PIN4: variants seen among roughly 807,000 people sequenced by gnomAD.
The protein encoded by PIN4 is peptidyl-prolyl cis-trans isomerase NIMA-interacting 4.
Under a neutral mutation model 8.3 loss-of-function variants are expected in PIN4, and 3 were observed. The ratio of observed to expected loss-of-function variants is 0.36; its 90% CI spans 0.16 to 0.93. The LOEUF is 0.93. Among genes scored for constraint, PIN4 ranks in the 40% least tolerant of loss-of-function variants. PIN4 has a pLI of 0.44. For missense variants in PIN4, 75 were observed against 100.6 expected, an observed-to-expected ratio of 0.75 and a Z score of 1.09; for synonymous variants, 18 against 32.5, an observed-to-expected ratio of 0.55 and a Z score of 1.52.
At chrX:72,240,754 C>A (rs893504052) in intron 3 of PIN4, among the ~76,000 whole-genome samples, 1 of 104,563 alleles carries the variant, frequency 9.6e-6, no homozygotes, top group African/African-American at 3.7e-5. Context: ...GAGCTGAGAT[C>A]GTGCCATTGC....
At chrX:72,215,268 G>A (rs1416568036) in intron 3 of PIN4, among the ~76,000 whole-genome samples, 1 of 111,764 alleles carries the variant, frequency 8.9e-6, no homozygotes, top group Non-Finnish European at 1.9e-5. Flanking sequence ...ACTTTCTGGG[G>A]TGATAATAGT....
intron 1 of PIN4, among the ~76,000 whole-genome samples, chrX:72,183,745 C>T: frequency 8.9e-6 from 1 of 111,930 alleles, no homozygotes; most frequent in Admixed American, 9.5e-5. Context: ...ATTTTCTTTG[C>T]TTCTTTGGAA....
intron 3 of PIN4, chrX:72,255,559 C>G (rs902214318): frequency 9.0e-6 from 1 of 110,881 alleles, no homozygotes; most frequent in African/African-American, 3.3e-5. Context: ...CACCTGATCT[C>G]CTGCCATCAG....
At chrX:72,205,743 A>G (rs778513523) in intron 3 of PIN4, 8 of 1,211,506 alleles carry the variant, frequency 6.6e-6, no homozygotes, top group Non-Finnish European at 7.8e-6. Flanking sequence ...CTTCTGGTTC[A>G]TCGTCTTTCT....
intron 3 of PIN4, among the ~76,000 whole-genome samples, chrX:72,212,274 A>AT (rs2042859974): frequency 9.2e-6 from 1 of 108,650 alleles, no homozygotes; most frequent in African/African-American, 3.4e-5. Flanking sequence ...CATCTCAAAA[A>AT]AAATAATAAT....
In PIN4 at chrX:72,246,693, G is replaced by A. The variant is rs192459194; in HGVS notation, c.313-16014G>A. Among the ~76,000 whole-genome samples, 3 of 111,587 alleles carry A rather than the reference G, an allele frequency of 2.7e-5. No individual in the cohort carries two copies. The East Asian group carries it at 8.5e-4, about 31-fold the overall frequency. On this transcript the variant is annotated intron_variant, in intron 3 of 3. Transcript: ENST00000423432. Reference sequence around the variant, plus strand: ...ATCTTGCCTCCAGGCCTCCCCACATGCAGTTTCCTCTGCCTGGACTCACCC... The same window carrying A: ...ATCTTGCCTCCAGGCCTCCCCACATACAGTTTCCTCTGCCTGGACTCACCC...
At chrX:72,250,661 C>A (rs1044675044) in intron 3 of PIN4, among the ~76,000 whole-genome samples, 3 of 105,529 alleles carry the variant, frequency 2.8e-5, no homozygotes, top group African/African-American at 7.0e-5. Context: ...CCACACTGGG[C>A]AACATAATGA....
At chrX:72,201,794 C>T (rs372165082), downstream of PIN4, among the ~76,000 whole-genome samples, 6 of 112,832 alleles carry the variant, frequency 5.3e-5, no homozygotes, top group East Asian at 1.1e-3. Flanking sequence ...GCAGTTTATG[C>T]GTACATTTGT....
rs1383127586 is a variant in PIN4, at chrX:72,205,768, C to T, written c.312+8864C>T. 8.3e-6 allele frequency: 10 copies of T among 1,210,324 alleles called. No individual in the cohort carries two copies. In the Admixed American group the frequency reaches 2.2e-4, roughly 26 times the overall value. ...ATCGTCTTTCTCAGAAAACTCCCAACTGAGACATGTTTTGCTATGCACAAA... is the reference window on the plus strand; with the variant it reads ...ATCGTCTTTCTCAGAAAACTCCCAATTGAGACATGTTTTGCTATGCACAAA... On this transcript the variant is annotated intron_variant, in intron 3 of 3. Transcript: ENST00000423432.
chrX:72,245,830 T>A (rs1030181974), intron 3 of PIN4, among the ~76,000 whole-genome samples: 1 of 112,134 alleles, frequency 8.9e-6, no homozygotes, highest in African/African-American at 3.2e-5. Context: ...TAGGATTACC[T>A]GCAGGGTCTT....
At chrX:72,257,148 G>A (rs1452932085) in intron 3 of PIN4, among the ~76,000 whole-genome samples, 7 of 110,747 alleles carry the variant, frequency 6.3e-5, no homozygotes, top group Non-Finnish European at 1.3e-4. Context: ...GTGAAACCCC[G>A]TCTCTACTAA....
intron 3 of PIN4, among the ~76,000 whole-genome samples, chrX:72,224,817 C>A (rs886880342): frequency 9.0e-6 from 1 of 111,155 alleles, no homozygotes; most frequent in African/African-American, 3.3e-5. Context: ...AACACTGACT[C>A]CCCCATAATA....
chrX:72,212,456 T>C (rs747750339), intron 3 of PIN4, among the ~76,000 whole-genome samples: 55 of 111,015 alleles, frequency 5.0e-4, no homozygotes, highest in African/African-American at 1.8e-3. Flanking sequence ...TGCTGAAAAG[T>C]TTTTCTATCT....
At chrX:72,251,045 C>G (rs1236500813) in intron 3 of PIN4, among the ~76,000 whole-genome samples, 1 of 105,532 alleles carries the variant, frequency 9.5e-6, no homozygotes, top group African/African-American at 3.4e-5. Context: ...CGGCCTGGTA[C>G]ATGCATTTTT....
At chrX:72,229,729 A>G (rs1446071535) in intron 3 of PIN4, among the ~76,000 whole-genome samples, 1 of 111,510 alleles carries the variant, frequency 9.0e-6, no homozygotes, top group Non-Finnish European at 1.9e-5. Context: ...CCCATCCAAT[A>G]TGTTAGAAAA....
chrX:72,210,258 A>G lies in PIN4; in HGVS notation c.312+13354A>G, dbSNP rs763427661. Among the ~76,000 whole-genome samples the G allele has an allele frequency of 1.8e-4, 20 of 110,102 alleles. 1 individual carries two copies. Among genetic ancestry groups the G allele is most frequent in the Non-Finnish European group, 3.8e-4 (20 of 52,823 alleles). ...ATAAATAAATAAATGGAAAAAAGATATACAGATGGGCACATGAAAAGACTC... is the reference window on the plus strand; with the variant it reads ...ATAAATAAATAAATGGAAAAAAGATGTACAGATGGGCACATGAAAAGACTC... On this transcript the variant is annotated intron_variant, in intron 3 of 3. Transcript: ENST00000423432.
chrX:72,255,178 G>A (rs2043104981), intron 3 of PIN4, among the ~76,000 whole-genome samples: 1 of 108,731 alleles, frequency 9.2e-6, no homozygotes, highest in African/African-American at 3.4e-5. Flanking sequence ...TAGTCCATTG[G>A]CGGATCGCTT....
chrX:72,196,991 C>T lies in PIN4; in HGVS notation c.237+87C>T, dbSNP rs773092572. 31 of 807,682 alleles carry T rather than the reference C, an allele frequency of 3.8e-5. No homozygotes were observed. The East Asian group carries it at 9.9e-4, about 26-fold the overall frequency. 66.6% of individuals were successfully genotyped at this position (807,682 alleles called of 1,213,427 possible). A position where few individuals can be genotyped will look rare whatever the true frequency, so the allele number is the denominator to read the frequency against. On this transcript the variant is annotated intron_variant, in intron 3 of 3. Transcript: ENST00000373669. ...AATAATAAAATAAGATAAAAATTCTCCATCCTCCACAGAAGAAACACAGAA... is the reference window on the plus strand; with the variant it reads ...AATAATAAAATAAGATAAAAATTCTTCATCCTCCACAGAAGAAACACAGAA...
chrX:72,261,244 C>T (rs1602464548), intron 3 of PIN4, among the ~76,000 whole-genome samples: 2 of 102,214 alleles, frequency 2.0e-5, no homozygotes. Context: ...TGCAGTGAGC[C>T]GAGACGTGCC....
Sources: allele counts gnomAD v4.1 joint callset (sites outside exome capture counted in the v4.1 genomes callset), GRCh38; gene constraint gnomAD v4.1.1; transcripts MANE v1.5; gene names NCBI Gene and HGNC (gene_info 2026-07-23, HGNC 2026-07-21).